ATP13A3: variants seen among roughly 807,000 people sequenced by gnomAD.
The protein encoded by ATP13A3 is polyamine-transporting ATPase 13A3.
Under a neutral mutation model 158.1 loss-of-function variants are expected in ATP13A3, and 59 were observed. That is an observed-to-expected ratio of 0.37 (90% CI 0.30 to 0.46). The LOEUF is 0.46. ATP13A3 is among the 20% of genes least tolerant of loss of function. ATP13A3 has a pLI of 1.00. For synonymous variants in ATP13A3, 491 were observed against 504.3 expected (o/e 0.97, Z 0.35); for missense variants, 1,166 against 1,525.2 (o/e 0.76, Z 3.92).
At chr3:194,413,362 T>C (rs529298860) in intron 32 of ATP13A3, among the ~76,000 whole-genome samples, 10 of 152,326 alleles carry the variant, frequency 6.6e-5, no homozygotes, top group African/African-American at 2.2e-4. Context: ...TCCTGGAGAA[T>C]GGCCCTCCCC....
At chr3:194,461,511 C>CTAA (rs1428056639) in intron 3 of ATP13A3, among the ~76,000 whole-genome samples, 3 of 152,184 alleles carry the variant, frequency 2.0e-5, no homozygotes, top group African/African-American at 7.2e-5. Flanking sequence ...ACCACTGCGA[C>CTAA]TAATCAATTT....
At chr3:194,410,295 G>GAAAAAA (rs1175574544) in intron 33 of ATP13A3, among the ~76,000 whole-genome samples, 1 of 2,294 alleles carries the variant, frequency 4.4e-4, no homozygotes, top group Non-Finnish European at 3.0e-3. Flanking sequence ...CCTCCTCTCT[G>GAAAAAA]CAAAAAAAAA....
chr3:194,449,020 T>C (rs1718600231), intron 11 of ATP13A3, among the ~76,000 whole-genome samples: 2 of 150,696 alleles, frequency 1.3e-5, no homozygotes, highest in East Asian at 2.0e-4. Flanking sequence ...AGAAGAGATG[T>C]GAGGGCCTAC....
intron 8 of ATP13A3, among the ~76,000 whole-genome samples, chr3:194,454,629 C>CT (rs962503229): frequency 2.6e-5 from 4 of 152,068 alleles, no homozygotes; most frequent in East Asian, 1.9e-4. Context: ...GAGATCAAAA[C>CT]ATCCTGGCTA....
chr3:194,455,681 G>A (rs1291749194), intron 8 of ATP13A3, among the ~76,000 whole-genome samples: 1 of 152,112 alleles, frequency 6.6e-6, no homozygotes, highest in Non-Finnish European at 1.5e-5. Flanking sequence ...ACATTCAACA[G>A]GTAATAAAAG....
chr3:194,455,984 A>G (rs752783313), intron 7 of ATP13A3, 22 bp from the exon 8 acceptor site: 2 of 1,355,980 alleles, frequency 1.5e-6, no homozygotes, highest in Admixed American at 4.4e-5. Flanking sequence ...AAATACATTC[A>G]TAGTATTACA....
At chr3:194,410,965 T>C (rs936791804) in intron 33 of ATP13A3, among the ~76,000 whole-genome samples, 2 of 151,430 alleles carry the variant, frequency 1.3e-5, no homozygotes, top group Non-Finnish European at 2.9e-5. Context: ...TGTGTGTGTG[T>C]GTGTGTATAC....
intron 2 of ATP13A3, among the ~76,000 whole-genome samples, chr3:194,481,138 A>T (rs1410924230): frequency 2.0e-5 from 3 of 152,166 alleles, no homozygotes; most frequent in African/African-American, 7.2e-5. Flanking sequence ...TCTTTAGATC[A>T]ATCAGAAAAA....
rs1247314131 is a variant in ATP13A3, at chr3:194,494,005, A to C, written n.746+45T>G. On this transcript the variant is annotated intron_variant and non_coding_transcript_variant, in intron 2 of 32. Transcript: ENST00000687055. This position sits in a 1 kb window ranked among gnomAD's most constrained non-coding sequence, Gnocchi z 4.2. Reference sequence around the variant, plus strand: ...TGCTTACAAATTGAGGAAAGCTTAAAAATCCCATTTTACAGAATGGAAAAA... The same window carrying C: ...TGCTTACAAATTGAGGAAAGCTTAACAATCCCATTTTACAGAATGGAAAAA... 1 of 396,600 alleles carries C rather than the reference A, an allele frequency of 2.5e-6. No individual in the cohort carries two copies. The highest frequency in any genetic ancestry group is 3.6e-5 in the East Asian group (1 of 28,012). The allele number at this position is 396,600 out of a possible 1,614,324, so 24.6% of individuals were successfully genotyped here. A position where few individuals can be genotyped will look rare whatever the true frequency, so the allele number is the denominator to read the frequency against.
At chr3:194,412,333 A>AT in intron 32 of ATP13A3, 45 bp from the exon 33 acceptor site, 3 of 1,419,878 alleles carry the variant, frequency 2.1e-6, no homozygotes, top group Non-Finnish European at 2.9e-6. Context: ...TGACTAAGTC[A>AT]TTTTTTATTA....
In ATP13A3 at chr3:194,433,680, A is replaced by G; in HGVS notation, c.2245+92T>C. On this transcript the variant is annotated intron_variant, in intron 21 of 33. Transcript: ENST00000645319. ...AGGTTGAAACCACTATAGACTATAT[A>G]ATATGATTTTATAACTGATTATCCC... The G allele has an allele frequency of 2.0e-6, 3 of 1,494,178 alleles. No homozygotes were observed. In the South Asian group the frequency reaches 3.8e-5, roughly 19 times the overall value. 92.6% of individuals were successfully genotyped at this position (1,494,178 alleles called of 1,614,324 possible).
At position 194,425,566 on chromosome 3, in the gene ATP13A3, A is replaced by G. The variant is rs758749131; in HGVS notation, c.3126-37T>C. ...GCAAAAAATGTCTGCATTAGTAAAC[A>G]TAATACTCATTTCCCAAAAGAAACC... On this transcript the variant is annotated intron_variant, in intron 29 of 33. Transcript: ENST00000645319. 6 of 1,521,100 alleles carry G rather than the reference A, an allele frequency of 3.9e-6. No homozygotes were observed. In the Admixed American group the frequency reaches 1.0e-4, roughly 26 times the overall value. 94.2% of individuals were successfully genotyped at this position (1,521,100 alleles called of 1,614,324 possible).
At chr3:194,460,100 A>C in intron 4 of ATP13A3, 129 bp from the exon 5 acceptor site, 4 of 721,004 alleles carry the variant, frequency 5.5e-6, no homozygotes, top group Non-Finnish European at 8.7e-6. Context: ...ACGCCTACTC[A>C]CTAAATATTA....
intron 13 of ATP13A3, among the ~76,000 whole-genome samples, 173 bp downstream of exon 13, chr3:194,447,679 C>T (rs1269879669): frequency 1.3e-5 from 2 of 151,678 alleles, no homozygotes; most frequent in Admixed American, 1.3e-4. Flanking sequence ...TATAGCTGGG[C>T]TTTCTAATAT....
chr3:194,413,843 T>C lies in ATP13A3; in HGVS notation c.3403-4A>G. 6.2e-7 allele frequency: 1 copy of C among 1,611,366 alleles called. No homozygotes were observed. Among genetic ancestry groups the C allele is most frequent in the Non-Finnish European group, 8.5e-7 (1 of 1,177,620 alleles). On this transcript the variant is annotated splice_region_variant and splice_polypyrimidine_tract_variant and intron_variant, in intron 31 of 33. Coordinates refer to ENST00000645319, the MANE Select transcript of ATP13A3 (RefSeq NM_001367549.1). Reference sequence around the variant, plus strand: ...ACTGATATGGTACACACACTATCTGTAATGCAAAAACATTTTAAAGTTAAA... The same window carrying C: ...ACTGATATGGTACACACACTATCTGCAATGCAAAAACATTTTAAAGTTAAA...
At chr3:194,472,918 T>C (rs959576738) in intron 2 of ATP13A3, among the ~76,000 whole-genome samples, 1 of 152,126 alleles carries the variant, frequency 6.6e-6, no homozygotes, top group African/African-American at 2.4e-5. Flanking sequence ...CCAAATACTA[T>C]ATGTTCTCAC....
chr3:194,491,523 T>G (rs568348648), upstream of ATP13A3, among the ~76,000 whole-genome samples: 2 of 145,626 alleles, frequency 1.4e-5, no homozygotes, highest in Admixed American at 6.8e-5. Flanking sequence ...TCACCTGGCA[T>G]GTCCCCTCCA....
intron 15 of ATP13A3, 58 bp from the exon 16 acceptor site, chr3:194,441,519 TA>T (rs776002435): frequency 4.1e-6 from 6 of 1,460,624 alleles, no homozygotes; most frequent in Non-Finnish European, 5.6e-6. Context: ...GATAATATTC[TA>T]ACAGGGCTTT....
chr3:194,405,158 A>G lies in ATP13A3; in HGVS notation c.*761T>C, dbSNP rs1714850060. 6.6e-6 allele frequency: 1 copy of G among 152,278 alleles called. No homozygotes were observed. The highest frequency in any genetic ancestry group is 1.5e-5 in the Non-Finnish European group (1 of 68,052). 9.4% of individuals were successfully genotyped at this position (152,278 alleles called of 1,614,324 possible). A position where few individuals can be genotyped will look rare whatever the true frequency, so the allele number is the denominator to read the frequency against. ...TATTTCCTAGTGAAAAAGGTTCTAC[A>G]ACATTTAACAGAAGCAAATTAGACT... On this transcript the variant is annotated 3_prime_UTR_variant, in exon 34 of 34. Transcript: ENST00000645319.
Sources: allele counts gnomAD v4.1 joint callset (sites outside exome capture counted in the v4.1 genomes callset), GRCh38; gene constraint gnomAD v4.1.1; non-coding constraint Gnocchi (gnomAD v3.1); transcripts MANE v1.5; gene names NCBI Gene and HGNC (gene_info 2026-07-23, HGNC 2026-07-21).